PTPRE: variants seen among roughly 807,000 people sequenced by gnomAD.
PTPRE encodes protein tyrosine phosphatase receptor type E, also known as receptor-type tyrosine-protein phosphatase epsilon.
PTPRE carries 51 observed loss-of-function variants against 102.0 expected under a neutral mutation model. The ratio of observed to expected loss-of-function variants is 0.50; its 90% CI spans 0.40 to 0.63. The LOEUF (loss-of-function observed/expected upper bound fraction) is 0.63, where lower values mean the gene tolerates loss of function less well. Among genes scored for constraint, PTPRE ranks in the 30% least tolerant of loss-of-function variants. The pLI is 0.00. For synonymous variants in PTPRE, 345 were observed against 348.2 expected, an observed-to-expected ratio of 0.99 and a Z score of 0.10; for missense variants, 752 against 915.1, an observed-to-expected ratio of 0.82 and a Z score of 2.30.
chr10:127,922,946 T>G (rs892440259), intron 1 of PTPRE, among the ~76,000 whole-genome samples: 28 of 152,310 alleles, frequency 1.8e-4, no homozygotes, highest in South Asian at 8.3e-4. Flanking sequence ...CCCTCAGGCC[T>G]TCAGCTAGTG....
intron 5 of PTPRE, 46 bp downstream of exon 5, chr10:128,047,883 T>G (rs749289802): frequency 6.6e-7 from 1 of 1,519,344 alleles, no homozygotes; most frequent in South Asian, 1.3e-5. Context: ...AAATGTGTTC[T>G]TTTTTAGCAG....
At chr10:127,918,194 T>G (rs1195363911) in intron 1 of PTPRE, among the ~76,000 whole-genome samples, 3 of 152,140 alleles carry the variant, frequency 2.0e-5, no homozygotes, top group Non-Finnish European at 4.4e-5. Flanking sequence ...CTGCTCTCTC[T>G]CTGGCTCCCA....
chr10:128,078,842 C>A (rs1479240325), intron 19 of PTPRE, among the ~76,000 whole-genome samples: 1 of 152,178 alleles, frequency 6.6e-6, no homozygotes, highest in African/African-American at 2.4e-5. Context: ...AGGACAGGAG[C>A]CTTGGAATAA....
chr10:128,036,554 C>T (rs1158386681), intron 2 of PTPRE, among the ~76,000 whole-genome samples: 1 of 152,116 alleles, frequency 6.6e-6, no homozygotes, highest in Non-Finnish European at 1.5e-5. Context: ...TAAAAATCAT[C>T]CTTATCCCCA....
intron 1 of PTPRE, among the ~76,000 whole-genome samples, chr10:127,981,989 A>T (rs187728208): frequency 2.6e-5 from 4 of 152,328 alleles, no homozygotes; most frequent in African/African-American, 9.6e-5. Flanking sequence ...AGGCCACAGC[A>T]GAGGCAGCTG....
At position 128,023,959 on chromosome 10, in the gene PTPRE, G is replaced by A. The variant is rs147342263; in HGVS notation, c.-7-16916G>A. Among the ~76,000 whole-genome samples, 250 of 152,232 alleles carry A rather than the reference G, an allele frequency of 1.6e-3. 1 individual carries two copies. The highest frequency in any genetic ancestry group is 4.3e-3 in the Admixed American group (65 of 15,280). On this transcript the variant is annotated intron_variant, in intron 2 of 20. Transcript: ENST00000254667. ...TTTTTAATGAGTAAAGGATTCAACC[G>A]GTATCTTGGTATTGGTGGTATTAGT...
At chr10:127,984,774 A>G (rs887585435) in intron 2 of PTPRE, among the ~76,000 whole-genome samples, 2 of 152,108 alleles carry the variant, frequency 1.3e-5, no homozygotes, top group Non-Finnish European at 2.9e-5. Context: ...GCCATGTGAG[A>G]CGTGCCTTTC....
chr10:127,986,588 C>T (rs921288452), intron 2 of PTPRE, among the ~76,000 whole-genome samples: 11 of 152,348 alleles, frequency 7.2e-5, no homozygotes, highest in Non-Finnish European at 1.2e-4. Flanking sequence ...TCCCTTCACT[C>T]GCTTGTTCTT....
Position 128,082,470 on chromosome 10 carries a change from C to A in PTPRE, c.2029-362C>A, listed in dbSNP as rs138877936. Among the ~76,000 whole-genome samples, 483 of 151,662 alleles carry A rather than the reference C, an allele frequency of 3.2e-3. 1 individual carries two copies. The highest frequency in any genetic ancestry group is 0.011 in the African/African-American group (462 of 41,416). ...GCTCAAGTGATCCTCCTGCCTCAGC[C>A]TCTCAAAGTGCTCTTATTACAGACG... is the stretch of plus-strand genomic sequence containing the variant. On this transcript the variant is annotated intron_variant, in intron 20 of 20. Coordinates refer to ENST00000254667, the MANE Select transcript of PTPRE (RefSeq NM_006504.6).
chr10:128,002,084 G>A (rs866912426), intron 2 of PTPRE, among the ~76,000 whole-genome samples: 1 of 152,190 alleles, frequency 6.6e-6, no homozygotes, highest in African/African-American at 2.4e-5. Context: ...AGGCCGTGCC[G>A]AGGCAGGACT....
At chr10:127,932,756 G>T (rs1249862697) in intron 1 of PTPRE, among the ~76,000 whole-genome samples, 2 of 152,200 alleles carry the variant, frequency 1.3e-5, no homozygotes, top group Admixed American at 6.5e-5. Flanking sequence ...TGGCCCAGCT[G>T]GTTCTCTGCT....
At chr10:128,022,302 G>A (rs1344627051) in intron 2 of PTPRE, among the ~76,000 whole-genome samples, 2 of 152,218 alleles carry the variant, frequency 1.3e-5, no homozygotes, top group Non-Finnish European at 1.5e-5. Context: ...AATGCCCAGT[G>A]AGGAAACAAG....
At chr10:128,014,070 C>T (rs915098218) in intron 2 of PTPRE, among the ~76,000 whole-genome samples, 1 of 152,150 alleles carries the variant, frequency 6.6e-6, no homozygotes, top group Non-Finnish European at 1.5e-5. Context: ...GGGTCGTGGT[C>T]ATCTCTGTTC....
At chr10:127,995,145 A>C (rs1853119575) in intron 2 of PTPRE, among the ~76,000 whole-genome samples, 1 of 151,864 alleles carries the variant, frequency 6.6e-6, no homozygotes. Context: ...GAGAGGCTCA[A>C]CCCCCACCAC....
Position 127,944,282 on chromosome 10 carries a change from G to T in PTPRE, c.-31+36973G>T, listed in dbSNP as rs1848454877. ...TGTCACATGCAGCATGATAGTCAGG[G>T]ATGGATGAGCACCTCTGGGAGGTAC... On this transcript the variant is annotated intron_variant, in intron 1 of 20. Transcript: ENST00000254667. The surrounding 1 kb of genome is among the most constrained non-coding windows in gnomAD (Gnocchi z 4.2). Among the ~76,000 whole-genome samples the T allele has an allele frequency of 6.6e-6, 1 of 152,202 alleles. No individual in the cohort carries two copies. The highest frequency in any genetic ancestry group is 2.1e-4 in the South Asian group (1 of 4,834).
chr10:127,970,201 G>A (rs1181234272), intron 1 of PTPRE, among the ~76,000 whole-genome samples: 2 of 152,264 alleles, frequency 1.3e-5, no homozygotes, highest in East Asian at 1.9e-4. Context: ...GGGAACTTGG[G>A]TGGGGGACAC....
intron 1 of PTPRE, among the ~76,000 whole-genome samples, chr10:127,952,852 A>C (rs1238062512): frequency 1.3e-5 from 2 of 152,146 alleles, no homozygotes; most frequent in African/African-American, 2.4e-5. Context: ...GGGCCTAGAG[A>C]GCATGAAGTA....
chr10:127,994,787 C>T (rs1011707284), intron 2 of PTPRE, among the ~76,000 whole-genome samples: 1 of 152,152 alleles, frequency 6.6e-6, no homozygotes, highest in African/African-American at 2.4e-5. Flanking sequence ...CCTGCTGGAA[C>T]GTAAGGGAGA....
chr10:127,997,221 T>C (rs1853359131), intron 2 of PTPRE, among the ~76,000 whole-genome samples: 2 of 152,196 alleles, frequency 1.3e-5, no homozygotes, highest in African/African-American at 4.8e-5. Context: ...AACCCAGCTC[T>C]TAAGAGCATT....
Sources: gnomAD v4.1 joint callset for allele counts (sites outside exome capture counted in the v4.1 genomes callset) on GRCh38, gnomAD v4.1.1 for gene constraint, Gnocchi (gnomAD v3.1) non-coding constraint, MANE v1.5 for transcripts, NCBI Gene and HGNC (gene_info 2026-07-23, HGNC 2026-07-21) for gene names.